OPTC: variants seen among roughly 807,000 people sequenced by gnomAD.
OPTC encodes the protein oculoglycan.
A neutral mutation model predicts 25.4 loss-of-function variants in OPTC; 22 were observed. The observed-to-expected ratio is 0.87, with a 90% CI of 0.62 to 1.24. The LOEUF is 1.24. Among genes scored for constraint, OPTC ranks in the 50% most tolerant of loss-of-function variants. OPTC has a pLI of 0.00. For synonymous variants in OPTC, 169 were observed against 179.3 expected (o/e 0.94, Z 0.46); for missense variants, 417 against 425.2 (o/e 0.98, Z 0.17).
chr1:203,508,516 G>A (rs571561700), intron 7 of OPTC, 130 bp from the exon 8 acceptor site: 27 of 152,234 alleles, frequency 1.8e-4, no homozygotes, highest in African/African-American at 6.0e-4. Flanking sequence ...ACCAGACGGG[G>A]AGGTGGCCCC....
At position 203,495,747 on chromosome 1, in the gene OPTC, G is replaced by A. The variant is rs1419955161; in HGVS notation, c.-41-218G>A. On this transcript the variant is annotated intron_variant, in intron 1 of 7. Coordinates refer to ENST00000367222, the MANE Select transcript of OPTC (RefSeq NM_014359.4). The stretch of plus-strand genomic sequence containing the variant: ...TGAGTGAATATCAGTGTTTGGGTGA[G>A]CGTGTAAAAACACTCAAGTGGGGCG... Among the ~76,000 whole-genome samples, 6 of 152,276 alleles carry A rather than the reference G, an allele frequency of 3.9e-5. No individual in the cohort carries two copies. In the East Asian group the frequency reaches 5.8e-4, roughly 15 times the overall value.
Position 203,497,137 on chromosome 1 carries a change from C to T in OPTC, c.370+22C>T, listed in dbSNP as rs144226194. 1.8e-4 allele frequency: 284 copies of T among 1,613,388 alleles called. 1 individual carries two copies. The highest frequency in any genetic ancestry group is 2.2e-4 in the Non-Finnish European group (262 of 1,179,698). ...CATGGTAAGTGCACAGTCACATGGTCGCAATATCCCTAGGTCATAGGCCAA... is the reference window on the plus strand; with the variant it reads ...CATGGTAAGTGCACAGTCACATGGTTGCAATATCCCTAGGTCATAGGCCAA... On this transcript the variant is annotated intron_variant, in intron 3 of 7. Coordinates refer to ENST00000367222, the MANE Select transcript of OPTC (RefSeq NM_014359.4).
At position 203,496,144 on chromosome 1, in the gene OPTC, C is replaced by G. The variant is rs770954957; in HGVS notation, c.139C>G (p.Arg47Gly). The G allele has an allele frequency of 2.5e-6, 4 of 1,614,092 alleles. No individual in the cohort carries two copies. Among genetic ancestry groups the G allele is most frequent in the Middle Eastern group, 3.3e-4 (2 of 6,062 alleles). The change falls in exon 2 of 8, where the codon CGG becomes GGG. Residue 47 changes from arginine (R) to glycine (G), a missense_variant. Transcript: ENST00000367222. ...EGDSFEVLPL[R>G]NDVLNPDNYG... ...CGATTCCTTTGAAGTTCTGCCTCTG[C>G]GGAATGATGTCCTGAACCCAGACAA...
In OPTC at chr1:203,498,780, A is replaced by G; in HGVS notation, c.470A>G (p.Tyr157Cys). The change falls in exon 4 of 8, where the codon TAC (tyrosine) becomes TGC (cysteine). Residue 157 changes from tyrosine (Y) to cysteine (C), a missense_variant. Physicochemically the swap from Tyr to Cys is radical, Grantham distance 194 (BLOSUM62 -2). Coordinates refer to ENST00000367222, the MANE Select transcript of OPTC (RefSeq NM_014359.4). ...DIPPLPRRTAYLYARFNRISR... is the reference protein window; with the variant it reads ...DIPPLPRRTACLYARFNRISR... ...CCTCCTCTTCCTCGGAGGACTGCCT[A>G]CCTGTATGCACGCTTCAACCGCATC... 6.2e-7 allele frequency: 1 copy of G among 1,614,030 alleles called. No individual in the cohort carries two copies. Among genetic ancestry groups the G allele is most frequent in the Non-Finnish European group, 8.5e-7 (1 of 1,180,014 alleles).
intron 6 of OPTC, 30 bp from the exon 7 acceptor site, chr1:203,503,520 T>TGA: frequency 6.2e-7 from 1 of 1,605,958 alleles, no homozygotes; most frequent in Non-Finnish European, 8.5e-7. Flanking sequence ...AGCCTCTTGG[T>TGA]GAGGCTCAGC....
chr1:203,495,943 C>A lies in OPTC; in HGVS notation c.-41-22C>A. 3.4e-6 allele frequency: 4 copies of A among 1,163,772 alleles called. No individual in the cohort carries two copies. In the South Asian group the frequency reaches 5.2e-5, roughly 15 times the overall value. 72.1% of individuals were successfully genotyped at this position (1,163,772 alleles called of 1,614,324 possible). A position where few individuals can be genotyped will look rare whatever the true frequency, so the allele number is the denominator to read the frequency against. On this transcript the variant is annotated intron_variant, in intron 1 of 7. Transcript: ENST00000367222. Reference sequence around the variant, plus strand: ...AGAGCCTGTCCCTCAGATCGCTGCCCTTCCTCGTGCCCACTTGCCAGGACC... The same window carrying A: ...AGAGCCTGTCCCTCAGATCGCTGCCATTCCTCGTGCCCACTTGCCAGGACC...
chr1:203,495,140 C>T (rs1229590804), intron 1 of OPTC, among the ~76,000 whole-genome samples: 2 of 152,202 alleles, frequency 1.3e-5, no homozygotes, highest in Non-Finnish European at 2.9e-5. Context: ...TCTGTACCCA[C>T]AGAGACAAGT....
At position 203,499,640 on chromosome 1, in the gene OPTC, CT is replaced by C. The variant is rs1661340525; in HGVS notation, c.530-8del. The C allele has an allele frequency of 6.2e-7, 1 of 1,612,222 alleles. No individual in the cohort carries two copies. The highest frequency in any genetic ancestry group is 8.5e-7 in the Non-Finnish European group (1 of 1,178,708). On this transcript the variant is annotated splice_polypyrimidine_tract_variant and splice_region_variant and intron_variant, in intron 4 of 7. Coordinates refer to ENST00000367222, the MANE Select transcript of OPTC (RefSeq NM_014359.4). ...GTTTCTCTCTTTGTTCTCCCCTAAC[CT>C]CTCTCAGCAAAGTTGAAGAGGATTG...
At chr1:203,498,883 C>T (rs371650281) in intron 4 of OPTC, 44 bp downstream of exon 4, 64 of 1,603,992 alleles carry the variant, frequency 4.0e-5, no homozygotes, top group Admixed American at 2.9e-4. Context: ...CAGGCATATG[C>T]AGCCACCCTG....
intron 2 of OPTC, 100 bp downstream of exon 2, chr1:203,496,336 C>A: frequency 1.3e-6 from 1 of 799,600 alleles, no homozygotes. Flanking sequence ...CTCCAGCCTC[C>A]ACCTCTTTCT....
intron 7 of OPTC, among the ~76,000 whole-genome samples, chr1:203,508,289 C>T (rs1035993503): frequency 3.3e-5 from 5 of 152,186 alleles, no homozygotes; most frequent in African/African-American, 1.2e-4. Context: ...GAGGGCATCA[C>T]CCAGGCTAGA....
In OPTC at chr1:203,496,142, T is replaced by G; in HGVS notation, c.137T>G (p.Leu46Arg). The G allele has an allele frequency of 1.2e-6, 2 of 1,614,150 alleles. No individual in the cohort carries two copies. The highest frequency in any genetic ancestry group is 4.5e-5 in the East Asian group (2 of 44,882). ...GGCGATTCCTTTGAAGTTCTGCCTC[T>G]GCGGAATGATGTCCTGAACCCAGAC... ...REGDSFEVLP[L>R]RNDVLNPDNY... Residue 46 changes from leucine (L) to arginine (R), a missense_variant, in exon 2 of 8, where the codon CTG (leucine) becomes CGG (arginine). Transcript: ENST00000367222.
chr1:203,498,949 T>G lies in OPTC; in HGVS notation c.529+110T>G. 6 of 1,251,332 alleles carry G rather than the reference T, an allele frequency of 4.8e-6. No homozygotes were observed. In the East Asian group the frequency reaches 9.4e-5, roughly 20 times the overall value. The allele number at this position is 1,251,332 out of a possible 1,614,324, so 77.5% of individuals were successfully genotyped here. ...TGCCCCCCGTGTTAGCTCTTTCCTG[T>G]TGGCTCTCAGTCCCTCCAGCTGTCA... On this transcript the variant is annotated intron_variant, in intron 4 of 7. Transcript: ENST00000367222.
At chr1:203,502,501 G>T (rs4579820) in intron 5 of OPTC, among the ~76,000 whole-genome samples, 40,686 of 152,078 alleles carry the variant, frequency 0.27, 5,577 homozygotes, top group African/African-American at 0.32. Flanking sequence ...TTAGATAATT[G>T]TCCATGGCCC....
At chr1:203,494,587 T>G (rs1045816138) in intron 1 of OPTC, among the ~76,000 whole-genome samples, 1 of 152,000 alleles carries the variant, frequency 6.6e-6, no homozygotes, top group African/African-American at 2.4e-5. Flanking sequence ...AGGTTAAGGC[T>G]TCAGTGAGCT....
intron 2 of OPTC, among the ~76,000 whole-genome samples, chr1:203,496,659 C>T (rs920637947): frequency 2.0e-5 from 3 of 152,236 alleles, no homozygotes; most frequent in South Asian, 2.1e-4. Flanking sequence ...TGAGCCTGGT[C>T]GGTGTGGAGC....
intron 1 of OPTC, among the ~76,000 whole-genome samples, chr1:203,495,138 C>T (rs1434632872): frequency 6.6e-6 from 1 of 152,146 alleles, no homozygotes; most frequent in Non-Finnish European, 1.5e-5. Context: ...ATTCTGTACC[C>T]ACAGAGACAA....
chr1:203,505,485 T>C (rs1661465664), intron 7 of OPTC, among the ~76,000 whole-genome samples: 1 of 152,206 alleles, frequency 6.6e-6, no homozygotes. Flanking sequence ...CAGGTGTTTC[T>C]TGTGGGCCAC....
At chr1:203,505,562 T>C (rs1661467486) in intron 7 of OPTC, among the ~76,000 whole-genome samples, 1 of 152,246 alleles carries the variant, frequency 6.6e-6, no homozygotes, top group Non-Finnish European at 1.5e-5. Flanking sequence ...ACGGCGGTCC[T>C]GTAAACAGCC....
Sources: allele counts gnomAD v4.1 joint callset (sites outside exome capture counted in the v4.1 genomes callset), GRCh38; gene constraint gnomAD v4.1.1; transcripts MANE v1.5; gene names NCBI Gene and HGNC (gene_info 2026-07-23, HGNC 2026-07-21).